The following PRIM2 variants were observed in gnomAD, a reference collection of about 807,000 sequenced individuals.
PRIM2 encodes the protein DNA primase large subunit.
Under a neutral mutation model 67.3 loss-of-function variants are expected in PRIM2, and 39 were observed. The observed-to-expected ratio is 0.58, with a 90% CI of 0.45 to 0.76. PRIM2 has a LOEUF of 0.76. Ranked by LOEUF, PRIM2 falls within the 30% of genes least tolerant of loss-of-function variation. The pLI is 0.00. For missense variants in PRIM2, 398 were observed against 598.7 expected, an observed-to-expected ratio of 0.66 and a Z score of 3.50; for synonymous variants, 143 against 198.7, an observed-to-expected ratio of 0.72 and a Z score of 2.36.
At chr6:57,387,200 A>G (rs1770182345) in intron 7 of PRIM2, among the ~76,000 whole-genome samples, 1 of 152,168 alleles carries the variant, frequency 6.6e-6, no homozygotes, top group African/African-American at 2.4e-5. Context: ...ATTAAAATGT[A>G]AGTTCTTTGA....
intron 7 of PRIM2, among the ~76,000 whole-genome samples, chr6:57,425,276 C>T (rs371099594): frequency 6.6e-6 from 1 of 152,058 alleles, no homozygotes; most frequent in Admixed American, 6.5e-5. Context: ...CTCGCTCTGT[C>T]GCCCAGGCTG....
intron 6 of PRIM2, among the ~76,000 whole-genome samples, chr6:57,380,367 G>A (rs78155230): frequency 1.3e-5 from 2 of 151,906 alleles, no homozygotes; most frequent in African/African-American, 2.4e-5. Flanking sequence ...GCCCCCTTTC[G>A]CTTCTCTTGA....
the PRIM2 span, among the ~76,000 whole-genome samples, chr6:57,288,296 T>G: frequency 6.6e-6 from 1 of 152,132 alleles, no homozygotes. Context: ...CTGGGAAGCT[T>G]GAACTGGGTG....
intron 5 of PRIM2, among the ~76,000 whole-genome samples, chr6:57,362,466 C>T (rs1769233349): frequency 6.6e-6 from 1 of 152,076 alleles, no homozygotes; most frequent in African/African-American, 2.4e-5. Flanking sequence ...CTAAGGAAAG[C>T]CATATTTTTT....
At chr6:57,429,175 C>G (rs1306458873) in intron 7 of PRIM2, among the ~76,000 whole-genome samples, 1 of 152,190 alleles carries the variant, frequency 6.6e-6, no homozygotes, top group East Asian at 1.9e-4. Context: ...ATTCACTACT[C>G]CATTGAGGTT....
At chr6:57,494,069 A>G (rs1159315604) in intron 7 of PRIM2, 1 of 152,212 alleles carries the variant, frequency 6.6e-6, no homozygotes, top group Non-Finnish European at 1.5e-5. Context: ...TACAAATATG[A>G]TATATTAAAA....
At chr6:57,280,551 C>T in the PRIM2 span, among the ~76,000 whole-genome samples, 1 of 152,026 alleles carries the variant, frequency 6.6e-6, no homozygotes, top group African/African-American at 2.4e-5. Context: ...ACTCTGTCAC[C>T]CAGGCTGGAG....
intron 5 of PRIM2, among the ~76,000 whole-genome samples, chr6:57,370,194 G>T (rs1769496951): frequency 1.3e-5 from 2 of 152,138 alleles, no homozygotes; most frequent in Non-Finnish European, 2.9e-5. Context: ...GTTAGTAGAA[G>T]TAGGAAGCCA....
intron 5 of PRIM2, among the ~76,000 whole-genome samples, chr6:57,345,004 T>C (rs1024706): frequency 0.11 from 16,376 of 147,064 alleles, 1,058 homozygotes; most frequent in African/African-American, 0.16. Flanking sequence ...ATATAGCTTT[T>C]GAATATAGGA....
chr6:57,296,098 C>G, the PRIM2 span, among the ~76,000 whole-genome samples: 1 of 152,018 alleles, frequency 6.6e-6, no homozygotes, highest in African/African-American at 2.4e-5. Context: ...AACCATATTA[C>G]GAATGAATAA....
At chr6:57,575,014 C>T (rs1241623782) in intron 10 of PRIM2, among the ~76,000 whole-genome samples, 1 of 152,130 alleles carries the variant, frequency 6.6e-6, no homozygotes, top group Non-Finnish European at 1.5e-5. Flanking sequence ...TTTGCATTCT[C>T]AGAGAACCTC....
At chr6:57,609,018 G>A (rs1214695933) in intron 12 of PRIM2, among the ~76,000 whole-genome samples, 5 of 152,162 alleles carry the variant, frequency 3.3e-5, no homozygotes, top group African/African-American at 4.8e-5. Flanking sequence ...CCAATAGTTT[G>A]TGAGTTTCCT....
rs7766976 is a variant in PRIM2, at chr6:57,375,781, T to A, written c.460-4120T>A. On this transcript the variant is annotated intron_variant, in intron 5 of 13. Coordinates refer to ENST00000615550, the MANE Select transcript of PRIM2 (RefSeq NM_000947.5). ...ATCACACCCAGCTAATTAAAAAAAATTTTTTTTAGTTTGGGTATAATGGTT... is the reference window on the plus strand; with the variant it reads ...ATCACACCCAGCTAATTAAAAAAAAATTTTTTTAGTTTGGGTATAATGGTT... Among the ~76,000 whole-genome samples the A allele has an allele frequency of 1.6e-3, 244 of 151,672 alleles. 1 individual carries two copies. Among genetic ancestry groups the A allele is most frequent in the Non-Finnish European group, 3.1e-3 (209 of 67,924 alleles).
chr6:57,552,922 A>G (rs1480405566), intron 10 of PRIM2, among the ~76,000 whole-genome samples: 13 of 152,144 alleles, frequency 8.5e-5, no homozygotes, highest in Non-Finnish European at 1.8e-4. Context: ...ATGAACATTC[A>G]TCTCAGATTT....
At chr6:57,512,952 C>A (rs1367771088) in intron 8 of PRIM2, among the ~76,000 whole-genome samples, 1 of 152,014 alleles carries the variant, frequency 6.6e-6, no homozygotes, top group Non-Finnish European at 1.5e-5. Flanking sequence ...TTTCCCTCTC[C>A]TCAAAAGAGA....
At chr6:57,611,932 C>T (rs1776674306) in intron 12 of PRIM2, among the ~76,000 whole-genome samples, 1 of 151,922 alleles carries the variant, frequency 6.6e-6, no homozygotes, top group Non-Finnish European at 1.5e-5. Flanking sequence ...ACAGGCAAAA[C>T]ATTTGAGTAG....
At chr6:57,392,622 G>C (rs112444762) in intron 7 of PRIM2, among the ~76,000 whole-genome samples, 3,382 of 151,698 alleles carry the variant, frequency 0.022, 109 homozygotes, top group South Asian at 0.071. Context: ...CCTAGAGAGG[G>C]AGAAGGAAAA....
intron 10 of PRIM2, among the ~76,000 whole-genome samples, chr6:57,597,041 AC>A (rs1377071650): frequency 0.013 from 1,897 of 151,250 alleles, 35 homozygotes; most frequent in African/African-American, 0.042. Flanking sequence ...GTTATTGAGC[AC>A]CTCCTATGAG....
At chr6:57,642,222 G>T (rs1205416328) in intron 13 of PRIM2, among the ~76,000 whole-genome samples, 1 of 151,906 alleles carries the variant, frequency 6.6e-6, no homozygotes, top group Non-Finnish European at 1.5e-5. Context: ...ACACACCAGG[G>T]CCTGTTTGGG....
Sources: gnomAD v4.1 joint callset for allele counts (sites outside exome capture counted in the v4.1 genomes callset) on GRCh38, gnomAD v4.1.1 for gene constraint, MANE v1.5 for transcripts, NCBI Gene and HGNC (gene_info 2026-07-23, HGNC 2026-07-21) for gene names.